CSNK1G2: variants seen among roughly 807,000 people sequenced by gnomAD.
CSNK1G2 encodes the protein casein kinase 1 gamma 2.
In CSNK1G2, 11 loss-of-function variants were observed where a neutral mutation model predicts 48.0. That is an observed-to-expected ratio of 0.23 (90% CI 0.14 to 0.38). The LOEUF is 0.38. Ranked by LOEUF, CSNK1G2 falls within the 10% of genes least tolerant of loss-of-function variation. The probability of loss-of-function intolerance (pLI) is 1.00; values close to 1 mark genes in which losing one functional copy is unlikely to be tolerated. For missense variants in CSNK1G2, 446 were observed against 595.5 expected (o/e 0.75, Z 2.61); for synonymous variants, 337 against 254.1 (o/e 1.33, Z -3.10).
intron 1 of CSNK1G2, among the ~76,000 whole-genome samples, chr19:1,956,670 T>G (rs2015011117): frequency 6.6e-6 from 1 of 152,080 alleles, no homozygotes; most frequent in Non-Finnish European, 1.5e-5. Flanking sequence ...GTGTGTCCAG[T>G]CCCATCTGGG....
At chr19:1,959,535 C>T (rs1468652548) in intron 1 of CSNK1G2, among the ~76,000 whole-genome samples, 4 of 146,574 alleles carry the variant, frequency 2.7e-5, no homozygotes, top group South Asian at 2.3e-4. Flanking sequence ...CCCTGAGTCC[C>T]CCAGCACCTG....
chr19:1,959,597 G>GCTCGGC (rs1568190102), intron 1 of CSNK1G2, among the ~76,000 whole-genome samples: 2 of 76,628 alleles, frequency 2.6e-5, no homozygotes, highest in African/African-American at 1.7e-4. Context: ...CACCTTTAGT[G>GCTCGGC]CCACCCTGAG....
chr19:1,971,733 G>A (rs2015577864), intron 2 of CSNK1G2, among the ~76,000 whole-genome samples: 1 of 150,072 alleles, frequency 6.7e-6, no homozygotes, highest in African/African-American at 2.5e-5. Flanking sequence ...GCAGGTCCCT[G>A]TAGGCAGATG....
chr19:1,958,930 C>T (rs2015099512), intron 1 of CSNK1G2, among the ~76,000 whole-genome samples: 1 of 117,258 alleles, frequency 8.5e-6, no homozygotes, highest in Non-Finnish European at 1.8e-5. Context: ...AGGGCCACAG[C>T]AGCCGGTATT....
At chr19:1,943,791 G>A (rs2014453939) in intron 1 of CSNK1G2, among the ~76,000 whole-genome samples, 3 of 152,214 alleles carry the variant, frequency 2.0e-5, no homozygotes, top group African/African-American at 7.2e-5. Context: ...CCTGTTGAGC[G>A]TTTGATGTTG....
intron 1 of CSNK1G2, chr19:1,952,687 T>G (rs1031600343): frequency 1.0e-4 from 25 of 248,674 alleles, no homozygotes; most frequent in African/African-American, 5.5e-4. Context: ...GGCCTGACTC[T>G]GAGGGTCATG....
Position 1,979,100 on chromosome 19 carries a change from T to C in CSNK1G2, c.682+7T>C. The C allele has an allele frequency of 6.3e-7, 1 of 1,584,836 alleles. No homozygotes were observed. The highest frequency in any genetic ancestry group is 8.5e-7 in the Non-Finnish European group (1 of 1,171,410). ...AACACGCACCTGGGCAAGGGTGAGCTGCGCGCGCGCGGCGGGGGGCGGGCG... is the reference window on the plus strand; with the variant it reads ...AACACGCACCTGGGCAAGGGTGAGCCGCGCGCGCGCGGCGGGGGGCGGGCG... On this transcript the variant is annotated splice_region_variant and intron_variant, in intron 6 of 11. Transcript: ENST00000255641.
chr19:1,975,202 C>G, intron 2 of CSNK1G2: 1 of 985,496 alleles, frequency 1.0e-6, no homozygotes, highest in Non-Finnish European at 1.2e-6. Context: ...GAGCATGAGG[C>G]CAGCCAGGCT....
At chr19:1,955,501 TGGGCGTGTGCCAGGGTGAGGCTCC>T (rs1185763055) in intron 1 of CSNK1G2, among the ~76,000 whole-genome samples, 27 of 146,922 alleles carry the variant, frequency 1.8e-4, no homozygotes, top group South Asian at 8.4e-4. Flanking sequence ...CTCCGCGGGG[TGGGCGTGTGCCAGGGTGAGGCTCC>T]GCGGGGTGGG....
intron 2 of CSNK1G2, among the ~76,000 whole-genome samples, chr19:1,971,131 T>C (rs1198351372): frequency 1.3e-5 from 2 of 151,910 alleles, no homozygotes; most frequent in African/African-American, 4.8e-5. Context: ...GGCAGAAGGG[T>C]TCAGCAGGCA....
intron 2 of CSNK1G2, chr19:1,975,232 A>C (rs2015712936): frequency 2.0e-6 from 2 of 985,386 alleles, no homozygotes; most frequent in East Asian, 2.3e-4. Context: ...GTTGGCGAGC[A>C]TCCGCCTGCC....
At chr19:1,965,824 T>G (rs1369671030) in intron 1 of CSNK1G2, among the ~76,000 whole-genome samples, 1 of 151,896 alleles carries the variant, frequency 6.6e-6, no homozygotes, top group Non-Finnish European at 1.5e-5. Flanking sequence ...TGAGGCACGG[T>G]CTCACTGTGT....
At chr19:1,948,351 G>A (rs1011420968) in intron 1 of CSNK1G2, among the ~76,000 whole-genome samples, 5 of 151,922 alleles carry the variant, frequency 3.3e-5, no homozygotes, top group Admixed American at 6.6e-5. Flanking sequence ...GTGAAACCCC[G>A]TCTCTACTAA....
At chr19:1,951,119 T>C (rs1568182896) in intron 1 of CSNK1G2, among the ~76,000 whole-genome samples, 1 of 144,864 alleles carries the variant, frequency 6.9e-6, no homozygotes, top group Non-Finnish European at 1.5e-5. Context: ...AAATCAAAGA[T>C]GGCCAGGCAC....
Position 1,981,039 on chromosome 19 carries a change from C to T in CSNK1G2, c.*836C>T, listed in dbSNP as rs1599339844. The T allele has an allele frequency of 6.6e-6, 1 of 152,120 alleles. No homozygotes were observed. The highest frequency in any genetic ancestry group is 2.4e-5 in the African/African-American group (1 of 41,310). The allele number at this position is 152,120 out of a possible 1,614,324, so 9.4% of individuals were successfully genotyped here. On this transcript the variant is annotated 3_prime_UTR_variant, in exon 12 of 12. Coordinates refer to ENST00000255641, the MANE Select transcript of CSNK1G2 (RefSeq NM_001319.7). ...CGTGGGCACGGAGCTTCCTGCCTCTCTGCTCCGACACCCGGCAAGCAGCCG... is the reference window on the plus strand; with the variant it reads ...CGTGGGCACGGAGCTTCCTGCCTCTTTGCTCCGACACCCGGCAAGCAGCCG...
intron 1 of CSNK1G2, among the ~76,000 whole-genome samples, chr19:1,943,354 T>C (rs1163642341): frequency 6.6e-6 from 1 of 152,202 alleles, no homozygotes; most frequent in Non-Finnish European, 1.5e-5. Flanking sequence ...TCTGGGCAGG[T>C]CTGGGAGCCA....
intron 1 of CSNK1G2, chr19:1,953,258 C>T (rs1230115023): frequency 1.0e-5 from 4 of 399,330 alleles, no homozygotes; most frequent in East Asian, 1.4e-4. Context: ...ACCCCTGCCC[C>T]CCTGGCAAGA....
At chr19:1,968,535 C>T (rs1440540361) in intron 1 of CSNK1G2, among the ~76,000 whole-genome samples, 3 of 152,202 alleles carry the variant, frequency 2.0e-5, no homozygotes, top group South Asian at 2.1e-4. Flanking sequence ...CCAGACACGG[C>T]GTTTCTCTGT....
At chr19:1,979,119 G>C (rs774654686) in intron 6 of CSNK1G2, 26 bp downstream of exon 6, 6 of 1,575,590 alleles carry the variant, frequency 3.8e-6, no homozygotes, top group Non-Finnish European at 5.1e-6. Context: ...GCGGCGGGGG[G>C]CGGGCGCCCG....
Sources: allele counts gnomAD v4.1 joint callset (sites outside exome capture counted in the v4.1 genomes callset), GRCh38; gene constraint gnomAD v4.1.1; transcripts MANE v1.5; gene names NCBI Gene and HGNC (gene_info 2026-07-23, HGNC 2026-07-21).